Variants in XRCC4 observed in about 807,000 individuals in gnomAD.
XRCC4 encodes DNA repair protein XRCC4.
A neutral mutation model predicts 39.1 loss-of-function variants in XRCC4; 28 were observed. The ratio of observed to expected loss-of-function variants is 0.72; its 90% CI spans 0.53 to 0.98. XRCC4 has a LOEUF of 0.98. Ranked by LOEUF, XRCC4 falls within the 50% of genes least tolerant of loss-of-function variation. XRCC4 has a pLI of 0.00. For missense variants in XRCC4, 350 were observed against 376.4 expected (o/e 0.93, Z 0.58); for synonymous variants, 123 against 126.4 (o/e 0.97, Z 0.18).
chr5:83,266,323 G>A (rs301274), intron 7 of XRCC4, among the ~76,000 whole-genome samples: 26,050 of 149,246 alleles, frequency 0.17, 2,835 homozygotes, highest in Non-Finnish European at 0.25. Context: ...CTAGTATGAT[G>A]TGTTACTCAA....
intron 7 of XRCC4, among the ~76,000 whole-genome samples, chr5:83,300,546 T>G (rs1282660604): frequency 5.5e-5 from 7 of 126,984 alleles, no homozygotes; most frequent in Non-Finnish European, 1.1e-4. Context: ...TATCTTTTGT[T>G]TGTGTGTGTG....
chr5:83,364,752 G>A, the XRCC4 span, among the ~76,000 whole-genome samples: 3 of 152,180 alleles, frequency 2.0e-5, no homozygotes, highest in African/African-American at 7.2e-5. Context: ...AAGAACAGCC[G>A]AAAATCCTGT....
intron 6 of XRCC4, among the ~76,000 whole-genome samples, chr5:83,222,654 T>A (rs1752129948): frequency 6.6e-6 from 1 of 152,210 alleles, no homozygotes; most frequent in South Asian, 2.1e-4. Context: ...TTTTTCCTGT[T>A]ATTAATTTCT....
chr5:83,174,335 TA>T, intron 3 of XRCC4, among the ~76,000 whole-genome samples: 2 of 152,304 alleles, frequency 1.3e-5, no homozygotes, highest in Middle Eastern at 3.4e-3. Flanking sequence ...GAAAAATCTT[TA>T]AAAATTTTTT....
chr5:83,115,690 C>G (rs2112421208), intron 3 of XRCC4, among the ~76,000 whole-genome samples: 1 of 152,318 alleles, frequency 6.6e-6, no homozygotes, highest in East Asian at 1.9e-4. Flanking sequence ...GAGCCAGCAT[C>G]TTGAACTACA....
chr5:83,268,692 A>AT (rs1223634995), intron 7 of XRCC4, among the ~76,000 whole-genome samples: 1 of 152,080 alleles, frequency 6.6e-6, no homozygotes, highest in African/African-American at 2.4e-5. Flanking sequence ...TTGGGGTTAT[A>AT]TGACATTCTC....
At chr5:83,224,015 A>G (rs1440973155) in intron 6 of XRCC4, among the ~76,000 whole-genome samples, 3 of 151,854 alleles carry the variant, frequency 2.0e-5, no homozygotes, top group Middle Eastern at 3.4e-3. Flanking sequence ...CATCCAGTCT[A>G]TCATTGATGG....
chr5:83,081,828 C>T (rs996504273), intron 1 of XRCC4, among the ~76,000 whole-genome samples: 2 of 152,170 alleles, frequency 1.3e-5, no homozygotes, highest in Non-Finnish European at 2.9e-5. Flanking sequence ...GTTCCAATTC[C>T]TCTTTTTCTA....
intron 6 of XRCC4, among the ~76,000 whole-genome samples, chr5:83,254,141 C>T (rs1333083838): frequency 7.1e-6 from 1 of 141,388 alleles, no homozygotes; most frequent in African/African-American, 2.7e-5. Context: ...TGGTAAAAGA[C>T]ATGTTGTCGT....
rs898656647 is a variant in XRCC4 at position 83,134,999 on chromosome 5, C to G, written c.315+23796C>G. 2.0e-4 allele frequency among the ~76,000 whole-genome samples: 30 copies of G among 152,152 alleles called. 2 individuals carry two copies. The highest frequency in any genetic ancestry group is 1.5e-5 in the Non-Finnish European group (1 of 68,032). ...ATCTGAACAGCTGAAGGAACAAACTCTGGACACACCATCTTTAAGAACTGT... is the reference window on the plus strand; with the variant it reads ...ATCTGAACAGCTGAAGGAACAAACTGTGGACACACCATCTTTAAGAACTGT... On this transcript the variant is annotated intron_variant, in intron 3 of 7. Transcript: ENST00000396027.
intron 7 of XRCC4, among the ~76,000 whole-genome samples, chr5:83,330,549 G>A (rs543817977): frequency 1.3e-5 from 2 of 151,970 alleles, no homozygotes; most frequent in East Asian, 3.9e-4. Context: ...TTCTTTTTAA[G>A]GCAAGAGAAT....
Position 83,095,637 on chromosome 5 carries a change from A to G in XRCC4, c.-10-9273A>G, listed in dbSNP as rs1745641744. 2.6e-5 allele frequency among the ~76,000 whole-genome samples: 4 copies of G among 152,268 alleles called. No homozygotes were observed. In the South Asian group the frequency reaches 8.3e-4, roughly 32 times the overall value. ...GACAGGATTACTCCTGGACTGCAGC[A>G]GAGAGAGGCTGTAGCTAAGCAGAGG... On this transcript the variant is annotated intron_variant, in intron 1 of 7. Transcript: ENST00000396027.
At chr5:83,296,672 CAATT>C (rs1324311297) in intron 7 of XRCC4, among the ~76,000 whole-genome samples, 4 of 151,680 alleles carry the variant, frequency 2.6e-5, no homozygotes, top group South Asian at 2.1e-4. Flanking sequence ...AAGTAAAAAA[CAATT>C]AAAGAAGAGC....
intron 7 of XRCC4, among the ~76,000 whole-genome samples, chr5:83,311,341 T>A (rs1755704417): frequency 6.6e-6 from 1 of 152,128 alleles, no homozygotes; most frequent in African/African-American, 2.4e-5. Flanking sequence ...AATTTCAAAA[T>A]AGCTAGAAGA....
In XRCC4 at chr5:83,258,547, G is replaced by T; in HGVS notation, c.763G>T (p.Asp255Tyr). The change falls in exon 7 of 8, where the codon GAT becomes TAT. Residue 255 changes from aspartate (D) to tyrosine (Y), a missense_variant. Coordinates refer to ENST00000396027, the MANE Select transcript of XRCC4 (RefSeq NM_003401.5). ...GLASAAVSKDDSIISSLDVTD... is the reference protein window; with the variant it reads ...GLASAAVSKDYSIISSLDVTD... ...TATTTCAGCTGCTGTAAGTAAAGATGATTCCATTATTTCAAGTCTTGATGT... is the reference window on the plus strand; with the variant it reads ...TATTTCAGCTGCTGTAAGTAAAGATTATTCCATTATTTCAAGTCTTGATGT... 1 of 1,606,662 alleles carries T rather than the reference G, an allele frequency of 6.2e-7. No homozygotes were observed. The highest frequency in any genetic ancestry group is 8.5e-7 in the Non-Finnish European group (1 of 1,178,104).
intron 3 of XRCC4, among the ~76,000 whole-genome samples, chr5:83,161,814 T>G (rs1470824286): frequency 6.6e-6 from 1 of 151,554 alleles, no homozygotes; most frequent in Non-Finnish European, 1.5e-5. Context: ...TTTGCTACAG[T>G]GAACTTTTGA....
chr5:83,269,143 A>G (rs939023585), intron 7 of XRCC4, among the ~76,000 whole-genome samples: 1 of 152,160 alleles, frequency 6.6e-6, no homozygotes, highest in African/African-American at 2.4e-5. Context: ...TGTCAGGAAC[A>G]TACACCAATA....
chr5:83,247,948 TTC>T (rs1268772388), intron 6 of XRCC4, among the ~76,000 whole-genome samples: 1 of 152,222 alleles, frequency 6.6e-6, no homozygotes, highest in Non-Finnish European at 1.5e-5. Context: ...CCTTTACCAC[TTC>T]TTTATACTGC....
chr5:83,358,989 A>C, the XRCC4 span, among the ~76,000 whole-genome samples: 1 of 151,690 alleles, frequency 6.6e-6, no homozygotes. Flanking sequence ...ACCTTTTGAA[A>C]GTTTTCTCGG....
Sources: gnomAD v4.1 joint callset for allele counts (sites outside exome capture counted in the v4.1 genomes callset) on GRCh38, gnomAD v4.1.1 for gene constraint, MANE v1.5 for transcripts, NCBI Gene and HGNC (gene_info 2026-07-23, HGNC 2026-07-21) for gene names.